Variants in WNT3A observed in about 807,000 individuals in gnomAD.
WNT3A encodes the protein protein Wnt-3a.
Under a neutral mutation model 37.0 loss-of-function variants are expected in WNT3A, and 17 were observed. That is an observed-to-expected ratio of 0.46 (90% CI 0.31 to 0.69). WNT3A has a LOEUF of 0.69. Among genes scored for constraint, WNT3A ranks in the 30% least tolerant of loss-of-function variants. The pLI, the probability that WNT3A is intolerant of heterozygous loss-of-function variation, is 0.05. For missense variants in WNT3A, 411 were observed against 510.2 expected (o/e 0.81, Z 1.87); for synonymous variants, 187 against 211.0 (o/e 0.89, Z 0.99).
chr1:228,024,730 G>T (rs1449526934), intron 2 of WNT3A, among the ~76,000 whole-genome samples: 2 of 152,114 alleles, frequency 1.3e-5, no homozygotes. Flanking sequence ...AGGTCACAAA[G>T]ATTCACATCT....
In WNT3A at chr1:228,008,642, C is replaced by T. The variant is rs993367971; in HGVS notation, c.71+1443C>T. Among the ~76,000 whole-genome samples, 2 of 152,122 alleles carry T rather than the reference C, an allele frequency of 1.3e-5. No homozygotes were observed. The highest frequency in any genetic ancestry group is 6.5e-5 in the Admixed American group (1 of 15,294). On this transcript the variant is annotated intron_variant, in intron 1 of 3. Transcript: ENST00000284523. This position sits in a 1 kb window ranked among gnomAD's most constrained non-coding sequence, Gnocchi z 4.9. The stretch of plus-strand genomic sequence containing the variant: ...GCGGGGATACTGACGCGCGTCCAGA[C>T]GGCCGCAGGGAGCCAGGGGCAGCGC...
intron 2 of WNT3A, among the ~76,000 whole-genome samples, chr1:228,033,256 A>G (rs1188289167): frequency 6.6e-6 from 1 of 152,118 alleles, no homozygotes; most frequent in Non-Finnish European, 1.5e-5. Context: ...TGCCTAACCC[A>G]AGCTCACAAA....
chr1:228,046,310 G>A (rs2031404165), intron 2 of WNT3A, among the ~76,000 whole-genome samples: 1 of 149,792 alleles, frequency 6.7e-6, no homozygotes, highest in Admixed American at 6.6e-5. Flanking sequence ...CACATGTGGA[G>A]GGGTGTGTGT....
At position 228,041,550 on chromosome 1, in the gene WNT3A, T is replaced by C. The variant is rs138939297; in HGVS notation, c.314-9106T>C. Among the ~76,000 whole-genome samples, 1,262 of 151,282 alleles carry C rather than the reference T, an allele frequency of 8.3e-3. 19 individuals carry two copies. The highest frequency in any genetic ancestry group is 0.029 in the African/African-American group (1,183 of 41,108). On this transcript the variant is annotated intron_variant, in intron 2 of 3. Coordinates refer to ENST00000284523, the MANE Select transcript of WNT3A (RefSeq NM_033131.4). ...ATCCATCCATCCATCCATCCATCCA[T>C]CCACCATCCATCAATTCATCATCAT...
intron 3 of WNT3A, among the ~76,000 whole-genome samples, chr1:228,056,426 A>T (rs569807440): frequency 6.6e-6 from 1 of 152,244 alleles, no homozygotes; most frequent in African/African-American, 2.4e-5. Context: ...TTAAACATTC[A>T]GGTTACAAAA....
intron 3 of WNT3A, among the ~76,000 whole-genome samples, chr1:228,058,656 G>A (rs1292321856): frequency 1.3e-5 from 2 of 152,238 alleles, no homozygotes; most frequent in Non-Finnish European, 2.9e-5. Flanking sequence ...CCTGCACTCT[G>A]ACTGCTGTGG....
intron 2 of WNT3A, among the ~76,000 whole-genome samples, chr1:228,047,628 A>C (rs1461682480): frequency 2.0e-5 from 3 of 152,066 alleles, no homozygotes. Flanking sequence ...ATAAAGAAAC[A>C]CTTGAGGCTG....
In WNT3A at chr1:228,050,697, G is replaced by A. The variant is rs774995569; in HGVS notation, c.355G>A (p.Gly119Ser). ...CTTTGTCCACGCCATTGCCTCAGCC[G>A]GTGTGGCCTTTGCAGTGACACGCTC... is the stretch of plus-strand genomic sequence containing the variant. ...SAFVHAIASA[G>S]VAFAVTRSCA... Residue 119 changes from glycine (G) to serine (S), a missense_variant, in exon 3 of 4, where the codon GGT becomes AGT. By Grantham distance (56) the Gly-to-Ser change is moderately conservative. Transcript: ENST00000284523. The surrounding 1 kb of genome is among the most constrained non-coding windows in gnomAD (Gnocchi z 5.0). 16 of 1,613,026 alleles carry A rather than the reference G, an allele frequency of 9.9e-6. No homozygotes were observed. Among genetic ancestry groups the A allele is most frequent in the East Asian group, 6.7e-5 (3 of 44,866 alleles).
rs765238501 is a variant in WNT3A at position 228,050,738 on chromosome 1, G to A, written c.396G>A (p.Thr132=). 79 of 1,614,024 alleles carry A rather than the reference G, an allele frequency of 4.9e-5. No individual in the cohort carries two copies. Among genetic ancestry groups the A allele is most frequent in the South Asian group, 3.6e-4 (33 of 91,084 alleles). ...TGACACGCTCATGTGCAGAAGGCAC[G>A]GCCGCCATCTGTGGCTGCAGCAGCC... is the stretch of plus-strand genomic sequence containing the variant. ...FAVTRSCAEG[T]AAICGCSSRH... The change falls in exon 3 of 4, where the codon ACG becomes ACA. Residue 132 remains threonine (T), a synonymous_variant. Transcript: ENST00000284523. The surrounding 1 kb of genome is among the most constrained non-coding windows in gnomAD (Gnocchi z 5.0).
intron 2 of WNT3A, among the ~76,000 whole-genome samples, chr1:228,043,526 C>T (rs901392291): frequency 2.0e-5 from 3 of 152,206 alleles, no homozygotes; most frequent in Non-Finnish European, 4.4e-5. Flanking sequence ...AAGATGCCTC[C>T]GTTTCACCCC....
intron 1 of WNT3A, among the ~76,000 whole-genome samples, chr1:228,018,856 G>A (rs561821893): frequency 6.6e-6 from 1 of 152,300 alleles, no homozygotes; most frequent in East Asian, 1.9e-4. Flanking sequence ...GGTCTGTGTG[G>A]CCCAGGCCTT....
At position 228,021,312 on chromosome 1, in the gene WNT3A, G is replaced by A. The variant is rs117167930; in HGVS notation, c.72-1355G>A. On this transcript the variant is annotated intron_variant, in intron 1 of 3. Coordinates refer to ENST00000284523, the MANE Select transcript of WNT3A (RefSeq NM_033131.4). The stretch of plus-strand genomic sequence containing the variant: ...TAAACTTAATTACATTAATTTAAAC[G>A]GCACAGGTGTCGAATGCCTTTTGCC... Among the ~76,000 whole-genome samples, 544 of 152,304 alleles carry A rather than the reference G, an allele frequency of 3.6e-3. 11 individuals are homozygous for A. The highest frequency in any genetic ancestry group is 0.03 in the East Asian group (157 of 5,188).
In WNT3A at chr1:228,007,015, C is replaced by A. The variant is rs903649393; in HGVS notation, c.-114C>A. ...CGGAGCCCGCGCACACCCGCGCACCCGCGGCCGCAGGAGGGCCCAGCGACG... is the reference window on the plus strand; with the variant it reads ...CGGAGCCCGCGCACACCCGCGCACCAGCGGCCGCAGGAGGGCCCAGCGACG... On this transcript the variant is annotated 5_prime_UTR_variant, in exon 1 of 4. Coordinates refer to ENST00000284523, the MANE Select transcript of WNT3A (RefSeq NM_033131.4). The surrounding 1 kb of genome is among the most constrained non-coding windows in gnomAD (Gnocchi z 6.0). 53 of 541,130 alleles carry A rather than the reference C, an allele frequency of 9.8e-5. No homozygotes were observed. The highest frequency in any genetic ancestry group is 1.2e-4 in the Non-Finnish European group (47 of 405,634). The allele number at this position is 541,130 out of a possible 1,614,324, so 33.5% of individuals were successfully genotyped here. A position where few individuals can be genotyped will look rare whatever the true frequency, so the allele number is the denominator to read the frequency against.
In WNT3A at chr1:228,008,854, C is replaced by T. The variant is rs78859018; in HGVS notation, c.71+1655C>T. Among the ~76,000 whole-genome samples, 515 of 152,312 alleles carry T rather than the reference C, an allele frequency of 3.4e-3. 10 individuals carry two copies. Among genetic ancestry groups the T allele is most frequent in the East Asian group, 0.028 (144 of 5,176 alleles). ...TGTCGGCCCTGAGGGTTCCTAGCCT[C>T]GGTCCCCATCCACCTCATATGCATG... On this transcript the variant is annotated intron_variant, in intron 1 of 3. Transcript: ENST00000284523. The surrounding 1 kb of genome is among the most constrained non-coding windows in gnomAD (Gnocchi z 4.9).
In WNT3A at chr1:228,059,500, C is replaced by T; in HGVS notation, c.*35C>T. 6.8e-7 allele frequency: 1 copy of T among 1,476,036 alleles called. No individual in the cohort carries two copies. Among genetic ancestry groups the T allele is most frequent in the Non-Finnish European group, 8.9e-7 (1 of 1,121,298 alleles). 91.4% of individuals were successfully genotyped at this position (1,476,036 alleles called of 1,614,324 possible). A position where few individuals can be genotyped will look rare whatever the true frequency, so the allele number is the denominator to read the frequency against. On this transcript the variant is annotated 3_prime_UTR_variant, in exon 4 of 4. Transcript: ENST00000284523. ...GCGGCTCCCCCTGGACGGGGCGGGC[C>T]CTGCCTGAGGGTGGGCTTTTCCCTG...
At chr1:228,057,602 A>G (rs1472259526) in intron 3 of WNT3A, among the ~76,000 whole-genome samples, 1 of 152,196 alleles carries the variant, frequency 6.6e-6, no homozygotes, top group Non-Finnish European at 1.5e-5. Flanking sequence ...GAAACAGTCA[A>G]TATCAGAGGG....
At chr1:228,045,805 T>C (rs1243774574) in intron 2 of WNT3A, among the ~76,000 whole-genome samples, 6 of 152,052 alleles carry the variant, frequency 3.9e-5, no homozygotes, top group Non-Finnish European at 8.8e-5. Flanking sequence ...GGGGCAAGGG[T>C]GGGTCTGCTC....
chr1:228,047,365 T>C (rs2031446978), intron 2 of WNT3A, among the ~76,000 whole-genome samples: 1 of 152,182 alleles, frequency 6.6e-6, no homozygotes, highest in Non-Finnish European at 1.5e-5. Context: ...TGCAAAGCCA[T>C]AGCCTCAAAT....
intron 3 of WNT3A, among the ~76,000 whole-genome samples, chr1:228,052,658 A>G (rs905159953): frequency 2.0e-5 from 3 of 152,214 alleles, no homozygotes; most frequent in Non-Finnish European, 4.4e-5. Context: ...GGGACCACAG[A>G]GGGGTGACGA....
Sources: allele counts gnomAD v4.1 joint callset (sites outside exome capture counted in the v4.1 genomes callset), GRCh38; gene constraint gnomAD v4.1.1; non-coding constraint Gnocchi (gnomAD v3.1); transcripts MANE v1.5; gene names NCBI Gene and HGNC (gene_info 2026-07-23, HGNC 2026-07-21).